MAGI2: variants seen among roughly 807,000 people sequenced by gnomAD.
The protein encoded by MAGI2 is membrane associated guanylate kinase, WW and PDZ domain containing 2, also known as membrane-associated guanylate kinase, WW and PDZ domain-containing protein 2.
In MAGI2, 35 loss-of-function variants were observed where a neutral mutation model predicts 133.3. The ratio of observed to expected loss-of-function variants is 0.26; its 90% CI spans 0.20 to 0.35. The LOEUF (loss-of-function observed/expected upper bound fraction) is 0.35. Among genes scored for constraint, MAGI2 ranks in the 10% least tolerant of loss-of-function variants. The probability of loss-of-function intolerance (pLI) is 1.00; values close to 1 mark genes in which losing one functional copy is unlikely to be tolerated. For synonymous variants in MAGI2, 729 were observed against 710.6 expected, an observed-to-expected ratio of 1.03 and a Z score of -0.41; for missense variants, 1,636 against 1,863.4, an observed-to-expected ratio of 0.88 and a Z score of 2.25.
chr7:79,153,112 C>T (rs557981196), intron 1 of MAGI2, among the ~76,000 whole-genome samples: 1 of 152,144 alleles, frequency 6.6e-6, no homozygotes, highest in African/African-American at 2.4e-5. Context: ...CTGGTAGAGC[C>T]TAGATTCTAG....
At chr7:79,246,118 A>C (rs1832806502) in intron 1 of MAGI2, among the ~76,000 whole-genome samples, 1 of 152,236 alleles carries the variant, frequency 6.6e-6, no homozygotes. Context: ...GCAGTGAAGA[A>C]AAACTTAGAT....
At chr7:78,761,790 C>T (rs528859698) in intron 2 of MAGI2, among the ~76,000 whole-genome samples, 75 of 151,878 alleles carry the variant, frequency 4.9e-4, no homozygotes, top group Admixed American at 1.7e-3. Context: ...GGTTGAGGCC[C>T]GAAATTCTGC....
intron 2 of MAGI2, among the ~76,000 whole-genome samples, chr7:78,692,645 G>A (rs569269861): frequency 9.9e-5 from 15 of 152,084 alleles, no homozygotes; most frequent in Non-Finnish European, 2.1e-4. Context: ...TCTAGCTTCC[G>A]AAAGCTCTGA....
intron 2 of MAGI2, among the ~76,000 whole-genome samples, chr7:78,727,686 A>C (rs1820952016): frequency 6.6e-6 from 1 of 152,252 alleles, no homozygotes; most frequent in Non-Finnish European, 1.5e-5. Context: ...ACACTTGGTC[A>C]AACGCTATAG....
At chr7:78,649,701 T>C (rs760021719) in intron 2 of MAGI2, among the ~76,000 whole-genome samples, 8 of 152,086 alleles carry the variant, frequency 5.3e-5, no homozygotes, top group Non-Finnish European at 1.2e-4. Flanking sequence ...TAAAGCCCCA[T>C]GTTTTGGCCT....
At chr7:78,466,837 T>A (rs1417851139) in intron 6 of MAGI2, among the ~76,000 whole-genome samples, 2 of 151,632 alleles carry the variant, frequency 1.3e-5, no homozygotes, top group Non-Finnish European at 2.9e-5. Flanking sequence ...CGGCAGAGAG[T>A]GGGATGGGGC....
chr7:78,052,071 A>T (rs1322743945), intron 21 of MAGI2, among the ~76,000 whole-genome samples: 1 of 151,954 alleles, frequency 6.6e-6, no homozygotes, highest in Non-Finnish European at 1.5e-5. Flanking sequence ...GAGTTTTGCC[A>T]TGCTGCCCAG....
intron 3 of MAGI2, among the ~76,000 whole-genome samples, chr7:78,588,249 G>A (rs550982354): frequency 3.9e-5 from 6 of 152,118 alleles, no homozygotes; most frequent in African/African-American, 9.6e-5. Context: ...CTCAATTATC[G>A]TATTTCTTCC....
At chr7:79,365,316 G>A (rs1461390529) in intron 1 of MAGI2, among the ~76,000 whole-genome samples, 1 of 152,130 alleles carries the variant, frequency 6.6e-6, no homozygotes. Flanking sequence ...TAGTTTGGCA[G>A]TGTGTTATAA....
At chr7:78,310,481 C>T (rs925909840) in intron 9 of MAGI2, among the ~76,000 whole-genome samples, 7 of 152,024 alleles carry the variant, frequency 4.6e-5, no homozygotes, top group African/African-American at 1.4e-4. Flanking sequence ...CTGCTATTCT[C>T]GGTTATTTAA....
chr7:79,045,353 T>C (rs986082427), intron 1 of MAGI2, among the ~76,000 whole-genome samples: 2 of 152,208 alleles, frequency 1.3e-5, no homozygotes, highest in Non-Finnish European at 2.9e-5. Context: ...AATGAGTGCA[T>C]TTTATTATTT....
chr7:78,521,319 A>G, intron 4 of MAGI2, 111 bp downstream of exon 4: 1 of 659,154 alleles, frequency 1.5e-6, no homozygotes, highest in Non-Finnish European at 2.6e-6. Context: ...ATATGTATAT[A>G]TTTATCTTAC....
At chr7:78,169,178 G>A (rs199689068) in intron 14 of MAGI2, among the ~76,000 whole-genome samples, 2 of 152,166 alleles carry the variant, frequency 1.3e-5, no homozygotes, top group African/African-American at 4.8e-5. Context: ...CATTAGCAGG[G>A]CTTTTTTCTT....
intron 3 of MAGI2, among the ~76,000 whole-genome samples, chr7:78,552,176 CTTTTTTTTTTT>C (rs869196799): frequency 1.3e-4 from 12 of 90,348 alleles, no homozygotes; most frequent in African/African-American, 3.6e-4. Context: ...ATTTGTTTTC[CTTTTTTTTTTT>C]TTTTTTTTTT....
intron 18 of MAGI2, among the ~76,000 whole-genome samples, chr7:78,131,099 G>A (rs886594): frequency 0.86 from 130,419 of 152,268 alleles, 56,236 homozygotes; most frequent in African/African-American, 0.91. Flanking sequence ...AAGCTGGCTC[G>A]GGGACTGCTG....
chr7:79,061,220 CA>C (rs1487580425), intron 1 of MAGI2, among the ~76,000 whole-genome samples: 1 of 151,422 alleles, frequency 6.6e-6, no homozygotes, highest in East Asian at 1.9e-4. Context: ...GAACTGAGAG[CA>C]AGATTAAAAT....
At chr7:78,597,225 T>C (rs769191577) in intron 3 of MAGI2, among the ~76,000 whole-genome samples, 1 of 152,204 alleles carries the variant, frequency 6.6e-6, no homozygotes, top group Non-Finnish European at 1.5e-5. Flanking sequence ...AATTTATCTA[T>C]AGCACTGAGT....
intron 2 of MAGI2, among the ~76,000 whole-genome samples, chr7:78,899,622 A>C (rs1180588635): frequency 1.3e-5 from 2 of 152,178 alleles, no homozygotes; most frequent in Admixed American, 6.5e-5. Context: ...GAGGTTGTCA[A>C]ACCTCAGTGA....
intron 20 of MAGI2, among the ~76,000 whole-genome samples, chr7:78,107,550 T>A (rs1473668606): frequency 6.6e-6 from 1 of 152,158 alleles, no homozygotes; most frequent in African/African-American, 2.4e-5. Flanking sequence ...ATTGTAGAGA[T>A]CTTTCAGTTC....
Sources: allele counts gnomAD v4.1 joint callset (sites outside exome capture counted in the v4.1 genomes callset), GRCh38; gene constraint gnomAD v4.1.1; transcripts MANE v1.5; gene names NCBI Gene and HGNC (gene_info 2026-07-23, HGNC 2026-07-21).